Variants in TPRG1 observed in about 807,000 individuals in gnomAD.
The protein encoded by TPRG1 is tumor protein p63 regulated 1.
Under a neutral mutation model 29.3 loss-of-function variants are expected in TPRG1, and 29 were observed. That is an observed-to-expected ratio of 0.99 (90% confidence interval 0.74 to 1.35). The LOEUF is 1.35. Ranked by LOEUF, TPRG1 falls within the 40% of genes most tolerant of loss-of-function variation. The pLI, the probability that TPRG1 is intolerant of heterozygous loss-of-function variation, is 0.00. For synonymous variants in TPRG1, 130 were observed against 116.8 expected, an observed-to-expected ratio of 1.11 and a Z score of -0.73; for missense variants, 327 against 335.0, an observed-to-expected ratio of 0.98 and a Z score of 0.19.
At chr3:189,066,840 A>C (rs1716484552) in intron 4 of TPRG1, among the ~76,000 whole-genome samples, 1 of 152,136 alleles carries the variant, frequency 6.6e-6, no homozygotes, top group Admixed American at 6.6e-5. Flanking sequence ...AGAGAAAAAA[A>C]CAGAAAAGGC....
chr3:189,159,236 TA>T (rs1365462306), intron 5 of TPRG1, among the ~76,000 whole-genome samples: 2 of 152,166 alleles, frequency 1.3e-5, no homozygotes, highest in Non-Finnish European at 1.5e-5. Context: ...AAAAGACAGT[TA>T]TTTTTTTCAG....
chr3:189,046,043 G>A (rs545194974), intron 4 of TPRG1, among the ~76,000 whole-genome samples: 44 of 152,320 alleles, frequency 2.9e-4, no homozygotes, highest in Non-Finnish European at 1.6e-4. Context: ...TCAGTAAGAG[G>A]CAAAGCTGTT....
At chr3:189,307,739 G>A (rs1020379394) in intron 4 of TPRG1, among the ~76,000 whole-genome samples, 25 of 152,308 alleles carry the variant, frequency 1.6e-4, no homozygotes, top group Non-Finnish European at 2.1e-4. Context: ...CTGAGTCTCA[G>A]TTTTTTCCAT....
At chr3:189,074,379 G>C (rs1409219795) in intron 4 of TPRG1, among the ~76,000 whole-genome samples, 1 of 151,528 alleles carries the variant, frequency 6.6e-6, no homozygotes, top group Non-Finnish European at 1.5e-5. Context: ...CTAATTTTTT[G>C]TATTTTTAGT....
intron 4 of TPRG1, among the ~76,000 whole-genome samples, chr3:189,292,491 T>C (rs1719183982): frequency 2.0e-5 from 3 of 152,150 alleles, no homozygotes; most frequent in African/African-American, 7.2e-5. Context: ...GTCTATGAAA[T>C]GGAATAATAA....
intron 1 of TPRG1, among the ~76,000 whole-genome samples, chr3:189,182,969 T>G (rs1321332800): frequency 2.6e-5 from 4 of 152,184 alleles, no homozygotes; most frequent in Admixed American, 2.6e-4. Context: ...TAAGATCTAT[T>G]CTCTGAGCAA....
intron 2 of TPRG1, among the ~76,000 whole-genome samples, chr3:189,001,767 T>C (rs1442026201): frequency 6.6e-6 from 1 of 152,022 alleles, no homozygotes; most frequent in South Asian, 2.1e-4. Flanking sequence ...TTTCAAGTCA[T>C]GGAAATGAGC....
At chr3:189,182,091 T>A (rs1199241437) in intron 1 of TPRG1, among the ~76,000 whole-genome samples, 1 of 152,168 alleles carries the variant, frequency 6.6e-6, no homozygotes, top group Non-Finnish European at 1.5e-5. Context: ...TACCTCCCAC[T>A]GGGTTCCTCC....
At chr3:189,310,726 T>C (rs553722055) in intron 5 of TPRG1, among the ~76,000 whole-genome samples, 187 bp downstream of exon 5, 1 of 151,926 alleles carries the variant, frequency 6.6e-6, no homozygotes, top group African/African-American at 2.4e-5. Flanking sequence ...TAGTAAAGAG[T>C]CAAACTGTTT....
At chr3:189,069,742 A>G (rs1406973549) in intron 4 of TPRG1, among the ~76,000 whole-genome samples, 1 of 152,210 alleles carries the variant, frequency 6.6e-6, no homozygotes, top group Non-Finnish European at 1.5e-5. Flanking sequence ...AATAGCCTAG[A>G]TGTGCTTCAA....
intron 4 of TPRG1, among the ~76,000 whole-genome samples, chr3:189,061,574 G>A (rs1395227166): frequency 6.6e-6 from 1 of 151,880 alleles, no homozygotes; most frequent in Non-Finnish European, 1.5e-5. Context: ...GCAGCTATAG[G>A]GAACTTAAAT....
chr3:189,244,702 C>G (rs889127475), intron 4 of TPRG1, among the ~76,000 whole-genome samples: 1 of 152,088 alleles, frequency 6.6e-6, no homozygotes, highest in Non-Finnish European at 1.5e-5. Flanking sequence ...ATCCAATCAT[C>G]TTCCATCAGG....
At chr3:189,263,434 A>T (rs1157765766) in intron 4 of TPRG1, among the ~76,000 whole-genome samples, 1 of 152,232 alleles carries the variant, frequency 6.6e-6, no homozygotes, top group African/African-American at 2.4e-5. Flanking sequence ...CCTGAAGGAC[A>T]TCAAAGTGGA....
intron 3 of TPRG1, among the ~76,000 whole-genome samples, chr3:189,134,101 G>T (rs1318389964): frequency 6.6e-6 from 1 of 152,078 alleles, no homozygotes; most frequent in Non-Finnish European, 1.5e-5. Flanking sequence ...TCCAGTCAAG[G>T]TCCCAGCCCT....
At chr3:189,271,649 A>T (rs1023496135) in intron 4 of TPRG1, among the ~76,000 whole-genome samples, 1 of 152,240 alleles carries the variant, frequency 6.6e-6, no homozygotes, top group African/African-American at 2.4e-5. Context: ...GAATATTTGC[A>T]TCAGAGGAAC....
At chr3:189,017,380 T>TC (rs1039831521) in intron 3 of TPRG1, among the ~76,000 whole-genome samples, 12 of 151,976 alleles carry the variant, frequency 7.9e-5, no homozygotes, top group Admixed American at 5.3e-4. Context: ...CCCTACCTGC[T>TC]CCCCCCACCT....
At chr3:189,276,766 G>A (rs750166170) in intron 4 of TPRG1, among the ~76,000 whole-genome samples, 6 of 152,150 alleles carry the variant, frequency 3.9e-5, no homozygotes, top group Non-Finnish European at 7.3e-5. Context: ...ATGATGACAG[G>A]TTTGGCATTC....
intron 1 of TPRG1, among the ~76,000 whole-genome samples, chr3:189,000,261 G>C (rs1342610233): frequency 6.6e-6 from 1 of 151,860 alleles, no homozygotes; most frequent in Non-Finnish European, 1.5e-5. Flanking sequence ...GGTGGTTGTT[G>C]GATTCAATGT....
chr3:189,146,447 T>A (rs755122445), intron 3 of TPRG1, among the ~76,000 whole-genome samples: 11 of 152,200 alleles, frequency 7.2e-5, no homozygotes, highest in Non-Finnish European at 1.3e-4. Context: ...TGAGACATCA[T>A]AATGGATTCT....
Sources: gnomAD v4.1 joint callset for allele counts (sites outside exome capture counted in the v4.1 genomes callset) on GRCh38, gnomAD v4.1.1 for gene constraint, MANE v1.5 for transcripts, NCBI Gene and HGNC (gene_info 2026-07-23, HGNC 2026-07-21) for gene names.